The following IDO2 variants were observed in gnomAD, a reference collection of about 807,000 sequenced individuals.
The protein encoded by IDO2 is indoleamine 2,3-dioxygenase-like 1 protein.
In IDO2, 46 loss-of-function variants were observed where a neutral mutation model predicts 45.1. The ratio of observed to expected loss-of-function variants is 1.02; its 90% confidence interval spans 0.80 to 1.30. The LOEUF (loss-of-function observed/expected upper bound fraction) is 1.30, where lower values mean the gene tolerates loss of function less well. IDO2 is among the 50% of genes most tolerant of loss of function. The probability of loss-of-function intolerance (pLI) is 0.00; values close to 1 mark genes in which losing one functional copy is unlikely to be tolerated. For synonymous variants in IDO2, 218 were observed against 184.9 expected (o/e 1.18, Z -1.45); for missense variants, 544 against 491.8 (o/e 1.11, Z -1.00).
rs142456801 is a variant in IDO2 at position 40,002,048 on chromosome 8, A to G, written c.668-3279A>G. 9.2e-5 allele frequency among the ~76,000 whole-genome samples: 14 copies of G among 152,304 alleles called. No homozygotes were observed. In the East Asian group the frequency reaches 2.3e-3, roughly 25 times the overall value. On this transcript the variant is annotated intron_variant, in intron 8 of 10. Transcript: ENST00000502986. ...TGATCCACCTGTCTCAGCCTCCCAA[A>G]GTGCTGGGATTATAGGTGTGAACCA... is the stretch of plus-strand genomic sequence containing the variant.
intron 9 of IDO2, among the ~76,000 whole-genome samples, chr8:40,005,869 T>G (rs1332929528): frequency 1.3e-5 from 2 of 152,174 alleles, no homozygotes; most frequent in African/African-American, 4.8e-5. Flanking sequence ...CGAAGGTGGG[T>G]TCTCTGGGAG....
At chr8:39,962,129 T>A (rs1277598781) in intron 2 of IDO2, among the ~76,000 whole-genome samples, 1 of 151,934 alleles carries the variant, frequency 6.6e-6, no homozygotes, top group African/African-American at 2.4e-5. Context: ...TGGGTGAGAG[T>A]TGGGGGTCAC....
At chr8:39,979,927 C>T (rs759297234) in intron 4 of IDO2, among the ~76,000 whole-genome samples, 5 of 152,158 alleles carry the variant, frequency 3.3e-5, no homozygotes, top group Non-Finnish European at 7.3e-5. Flanking sequence ...GCTCAAGCAA[C>T]CCTCCCACCT....
At chr8:40,011,572 C>T (rs950373638) in intron 9 of IDO2, among the ~76,000 whole-genome samples, 2 of 152,158 alleles carry the variant, frequency 1.3e-5, no homozygotes, top group Non-Finnish European at 2.9e-5. Flanking sequence ...AATTGGAAAT[C>T]TAAGGCTCAG....
intron 8 of IDO2, among the ~76,000 whole-genome samples, chr8:39,991,388 G>A (rs1808493861): frequency 6.6e-6 from 1 of 152,124 alleles, no homozygotes; most frequent in South Asian, 2.1e-4. Context: ...ACTTAGGATA[G>A]CAAGGCTATT....
At chr8:39,947,912 C>G (rs535911363) in intron 1 of IDO2, among the ~76,000 whole-genome samples, 6 of 151,976 alleles carry the variant, frequency 3.9e-5, no homozygotes, top group East Asian at 1.9e-4. Flanking sequence ...CTCAGCCTCC[C>G]GAGTAGCTGG....
intron 6 of IDO2, chr8:39,986,578 T>G (rs1196943806): frequency 1.3e-5 from 2 of 152,172 alleles, no homozygotes; most frequent in Non-Finnish European, 2.9e-5. Flanking sequence ...TTTTAGGTTT[T>G]GTAGATGTTT....
At chr8:39,941,324 G>A (rs1161763004) in intron 1 of IDO2, among the ~76,000 whole-genome samples, 1 of 151,760 alleles carries the variant, frequency 6.6e-6, no homozygotes, top group Non-Finnish European at 1.5e-5. Context: ...AGTGGTGACT[G>A]TCAAGAAAGT....
intron 6 of IDO2, 102 bp from the exon 7 acceptor site, chr8:39,987,769 G>C (rs1808446084): frequency 1.5e-6 from 1 of 672,280 alleles, no homozygotes; most frequent in Non-Finnish European, 2.6e-6. Context: ...GTTGTGCAGT[G>C]ATTCCACCCT....
At chr8:39,952,653 G>A (rs1807829674) in intron 2 of IDO2, among the ~76,000 whole-genome samples, 2 of 152,068 alleles carry the variant, frequency 1.3e-5, no homozygotes, top group Admixed American at 1.3e-4. Flanking sequence ...TGTTTTTGGA[G>A]GGAGGGCTAA....
At chr8:40,010,837 G>T (rs1394311122) in intron 9 of IDO2, among the ~76,000 whole-genome samples, 2 of 152,202 alleles carry the variant, frequency 1.3e-5, no homozygotes, top group Admixed American at 6.5e-5. Flanking sequence ...GGATGTATGG[G>T]TCTGGAATAT....
chr8:39,995,221 C>CTTCTTCTT (rs1802017815), intron 8 of IDO2: 4 of 73,548 alleles, frequency 5.4e-5, no homozygotes, highest in African/African-American at 1.7e-4. Context: ...TTCTCCTTCT[C>CTTCTTCTT]CTTCTCCTTC....
rs1164821173 is a variant in IDO2, at chr8:39,985,624, A to G, written c.449+102A>G. On this transcript the variant is annotated intron_variant, in intron 6 of 10. Coordinates refer to ENST00000502986, the Ensembl canonical transcript of IDO2. ...GCATGCTAAATTATATGTATAATATAATATCAACCATATAAAATGCATAAA... is the reference window on the plus strand; with the variant it reads ...GCATGCTAAATTATATGTATAATATGATATCAACCATATAAAATGCATAAA... The G allele has an allele frequency of 4.4e-6, 4 of 907,256 alleles. No homozygotes were observed. In the African/African-American group the frequency reaches 5.1e-5, roughly 12 times the overall value. 56.2% of individuals were successfully genotyped at this position (907,256 alleles called of 1,614,324 possible). A position where few individuals can be genotyped will look rare whatever the true frequency, so the allele number is the denominator to read the frequency against.
chr8:40,000,993 T>A (rs1030392292), intron 8 of IDO2, among the ~76,000 whole-genome samples: 6 of 152,182 alleles, frequency 3.9e-5, no homozygotes, highest in Non-Finnish European at 7.3e-5. Context: ...TTTAAATTTT[T>A]AAAAAATTAT....
Position 39,967,091 on chromosome 8 carries a change from A to G in IDO2, c.195+3388A>G, listed in dbSNP as rs538370294. Among the ~76,000 whole-genome samples the G allele has an allele frequency of 3.9e-5, 6 of 152,332 alleles. No individual in the cohort carries two copies. The South Asian group carries it at 8.3e-4, about 21-fold the overall frequency. On this transcript the variant is annotated intron_variant, in intron 3 of 10. Coordinates refer to ENST00000502986, the Ensembl canonical transcript of IDO2. Reference sequence around the variant, plus strand: ...GTAAAACATTGATTGCAAAAAATATATATAGTGACTTAGGGACTTCCTTGA... The same window carrying G: ...GTAAAACATTGATTGCAAAAAATATGTATAGTGACTTAGGGACTTCCTTGA...
At chr8:39,973,409 A>G (rs534655981) in intron 3 of IDO2, among the ~76,000 whole-genome samples, 1 of 152,230 alleles carries the variant, frequency 6.6e-6, no homozygotes, top group Non-Finnish European at 1.5e-5. Context: ...CCCTTCTCCA[A>G]TAACAGGAGC....
At chr8:39,980,925 G>T (rs928442524) in intron 4 of IDO2, among the ~76,000 whole-genome samples, 4 of 151,662 alleles carry the variant, frequency 2.6e-5, no homozygotes, top group African/African-American at 4.8e-5. Context: ...AATTTTTTTT[G>T]TATTTTTAGT....
chr8:40,012,733 A>T (rs572912332), intron 9 of IDO2, among the ~76,000 whole-genome samples: 3 of 152,032 alleles, frequency 2.0e-5, no homozygotes, highest in Non-Finnish European at 2.9e-5. Context: ...AAAGGAGAGG[A>T]AAGGTGGGGA....
chr8:39,953,456 C>T (rs965580480), intron 2 of IDO2, among the ~76,000 whole-genome samples: 2 of 152,128 alleles, frequency 1.3e-5, no homozygotes, highest in Non-Finnish European at 2.9e-5. Context: ...TTTTTAGGCT[C>T]TATGACTGAT....
Sources: allele counts gnomAD v4.1 joint callset (sites outside exome capture counted in the v4.1 genomes callset), GRCh38; gene constraint gnomAD v4.1.1; transcripts MANE v1.5; gene names NCBI Gene and HGNC (gene_info 2026-07-23, HGNC 2026-07-21).